AGBL4: variants seen among roughly 807,000 people sequenced by gnomAD.
AGBL4 encodes AGBL carboxypeptidase 4.
AGBL4 carries 58 observed loss-of-function variants against 66.4 expected under a neutral mutation model. The observed-to-expected ratio is 0.87, with a 90% CI of 0.71 to 1.09. The LOEUF (loss-of-function observed/expected upper bound fraction) is 1.09, where lower values mean the gene tolerates loss of function less well. Ranked by LOEUF, AGBL4 falls within the 50% of genes least tolerant of loss-of-function variation. The probability of loss-of-function intolerance (pLI) is 0.00; values close to 1 mark genes in which losing one functional copy is unlikely to be tolerated. For missense variants in AGBL4, 579 were observed against 631.0 expected (o/e 0.92, Z 0.88); for synonymous variants, 234 against 222.9 (o/e 1.05, Z -0.44).
At chr1:49,989,146 A>G (rs1659732680) in intron 1 of AGBL4, among the ~76,000 whole-genome samples, 1 of 152,208 alleles carries the variant, frequency 6.6e-6, no homozygotes, top group Non-Finnish European at 1.5e-5. Context: ...AATATACTAC[A>G]GCTGCCTCAG....
chr1:49,751,803 T>C (rs1184009443), intron 2 of AGBL4, among the ~76,000 whole-genome samples: 1 of 152,204 alleles, frequency 6.6e-6, no homozygotes, highest in East Asian at 1.9e-4. Context: ...GGTTTAGTCT[T>C]AGGTGATGTA....
At chr1:49,443,088 C>A (rs903838201) in intron 3 of AGBL4, among the ~76,000 whole-genome samples, 2 of 152,088 alleles carry the variant, frequency 1.3e-5, no homozygotes, top group Non-Finnish European at 2.9e-5. Context: ...TGAGAGATGT[C>A]TATTCACATC....
intron 1 of AGBL4, among the ~76,000 whole-genome samples, chr1:49,877,935 G>C (rs975152699): frequency 3.3e-5 from 5 of 152,094 alleles, no homozygotes; most frequent in Non-Finnish European, 7.3e-5. Flanking sequence ...AGATTTTCTA[G>C]TTTATTTGTG....
intron 3 of AGBL4, among the ~76,000 whole-genome samples, chr1:49,421,136 T>C (rs1448600011): frequency 6.6e-6 from 1 of 152,168 alleles, no homozygotes; most frequent in Admixed American, 6.5e-5. Context: ...CTTAAACATC[T>C]CAAAGCCTTA....
chr1:49,343,456 G>A (rs1222313571), intron 3 of AGBL4, among the ~76,000 whole-genome samples: 1 of 152,140 alleles, frequency 6.6e-6, no homozygotes, highest in Non-Finnish European at 1.5e-5. Flanking sequence ...TTATGGAGGG[G>A]ATACTCAGTT....
intron 4 of AGBL4, among the ~76,000 whole-genome samples, chr1:49,115,612 TAGAAAGAGAG>T (rs1374537985): frequency 6.6e-6 from 1 of 150,844 alleles, no homozygotes; most frequent in Admixed American, 6.6e-5. Flanking sequence ...GAGGGAGAGA[TAGAAAGAGAG>T]AGAAAGAATC....
intron 2 of AGBL4, among the ~76,000 whole-genome samples, chr1:49,718,977 A>T (rs575070332): frequency 6.6e-6 from 1 of 152,240 alleles, no homozygotes; most frequent in South Asian, 2.1e-4. Flanking sequence ...TCCAGGAGTG[A>T]GACAAAGAAC....
chr1:48,639,319 T>C (rs999239001), intron 8 of AGBL4, among the ~76,000 whole-genome samples: 3 of 152,226 alleles, frequency 2.0e-5, no homozygotes, highest in African/African-American at 4.8e-5. Context: ...AAGTATTTAC[T>C]GAACAAAACA....
chr1:49,665,781 A>G (rs1646352805), intron 3 of AGBL4, among the ~76,000 whole-genome samples: 1 of 151,934 alleles, frequency 6.6e-6, no homozygotes, highest in Admixed American at 6.6e-5. Flanking sequence ...GAAAATGAAA[A>G]CCCAATGACA....
At chr1:49,605,746 T>C (rs1448192159) in intron 3 of AGBL4, among the ~76,000 whole-genome samples, 1 of 152,112 alleles carries the variant, frequency 6.6e-6, no homozygotes, top group African/African-American at 2.4e-5. Flanking sequence ...CTCTTTTCAT[T>C]TCTCTTATAT....
chr1:49,958,541 C>G (rs1053591854), intron 1 of AGBL4, among the ~76,000 whole-genome samples: 1 of 151,848 alleles, frequency 6.6e-6, no homozygotes, highest in Non-Finnish European at 1.5e-5. Flanking sequence ...CATGTCCTTT[C>G]TAGGGACATG....
At chr1:48,555,057 G>A (rs1333035564) in intron 11 of AGBL4, among the ~76,000 whole-genome samples, 1 of 152,130 alleles carries the variant, frequency 6.6e-6, no homozygotes, top group Admixed American at 6.5e-5. Context: ...AAAGTTGCAA[G>A]TTAGGGCAAT....
At chr1:49,174,402 C>T (rs1017733832) in intron 4 of AGBL4, among the ~76,000 whole-genome samples, 1 of 152,104 alleles carries the variant, frequency 6.6e-6, no homozygotes, top group African/African-American at 2.4e-5. Flanking sequence ...GAAGGATGTT[C>T]TCCAGGATTG....
intron 3 of AGBL4, among the ~76,000 whole-genome samples, chr1:49,499,481 G>A (rs1321819782): frequency 6.6e-6 from 1 of 151,618 alleles, no homozygotes; most frequent in Non-Finnish European, 1.5e-5. Context: ...AGTGTACGTG[G>A]CACCCAAAGT....
At chr1:48,819,406 G>A (rs533541525) in intron 6 of AGBL4, among the ~76,000 whole-genome samples, 2 of 152,270 alleles carry the variant, frequency 1.3e-5, no homozygotes, top group South Asian at 4.1e-4. Context: ...AGAGAGGTTG[G>A]CATTTATCCT....
chr1:49,069,852 T>C (rs1357671853), intron 4 of AGBL4, among the ~76,000 whole-genome samples: 1 of 152,012 alleles, frequency 6.6e-6, no homozygotes, highest in African/African-American at 2.4e-5. Context: ...TATTGATTCT[T>C]TCTATACATA....
At chr1:48,704,705 T>C (rs906052014) in intron 6 of AGBL4, among the ~76,000 whole-genome samples, 7 of 152,306 alleles carry the variant, frequency 4.6e-5, no homozygotes, top group Admixed American at 1.3e-4. Flanking sequence ...TCAGGGGCAA[T>C]AACAGGCATG....
intron 2 of AGBL4, among the ~76,000 whole-genome samples, chr1:49,791,682 C>CTGCCTTCT (rs1184038998): frequency 6.6e-6 from 1 of 152,080 alleles, no homozygotes; most frequent in Non-Finnish European, 1.5e-5. Flanking sequence ...GTCTCCATCC[C>CTGCCTTCT]TGCCTTCTCA....
intron 1 of AGBL4, among the ~76,000 whole-genome samples, chr1:49,852,842 A>G (rs1177907707): frequency 6.6e-6 from 1 of 152,022 alleles, no homozygotes; most frequent in East Asian, 1.9e-4. Flanking sequence ...TAAATACTCA[A>G]TCACCCCAGC....
Sources: gnomAD v4.1 joint callset for allele counts (sites outside exome capture counted in the v4.1 genomes callset) on GRCh38, gnomAD v4.1.1 for gene constraint, MANE v1.5 for transcripts, NCBI Gene and HGNC (gene_info 2026-07-23, HGNC 2026-07-21) for gene names.